Variants in FAM184A observed in about 807,000 individuals in gnomAD.
The protein encoded by FAM184A is family with sequence similarity 184 member A.
A neutral mutation model predicts 143.8 loss-of-function variants in FAM184A; 99 were observed. The observed-to-expected ratio is 0.69, with a 90% CI of 0.58 to 0.81. FAM184A has a LOEUF of 0.81. FAM184A is among the 40% of genes least tolerant of loss of function. FAM184A has a pLI of 0.00. For missense variants in FAM184A, 1,217 were observed against 1,310.5 expected, an observed-to-expected ratio of 0.93 and a Z score of 1.10; for synonymous variants, 427 against 446.4, an observed-to-expected ratio of 0.96 and a Z score of 0.55.
chr6:119,038,385 G>A (rs1786190769), intron 1 of FAM184A, among the ~76,000 whole-genome samples: 1 of 152,116 alleles, frequency 6.6e-6, no homozygotes, highest in African/African-American at 2.4e-5. Flanking sequence ...TAAGTCACAG[G>A]ATGAGATAGG....
At chr6:119,076,949 A>G (rs554288359) in intron 1 of FAM184A, among the ~76,000 whole-genome samples, 22 of 152,324 alleles carry the variant, frequency 1.4e-4, no homozygotes, top group African/African-American at 5.3e-4. Context: ...AGAAAACTTC[A>G]CAAGACGTTG....
At chr6:119,136,179 G>A (rs1347720660) in intron 1 of FAM184A, among the ~76,000 whole-genome samples, 36 of 149,206 alleles carry the variant, frequency 2.4e-4, no homozygotes, top group African/African-American at 8.9e-4. Context: ...TCGGGAGGCT[G>A]AGGCAGGAGA....
chr6:119,059,901 A>G (rs541128663), intron 1 of FAM184A, among the ~76,000 whole-genome samples: 1 of 152,328 alleles, frequency 6.6e-6, no homozygotes, highest in East Asian at 1.9e-4. Context: ...CAAAAAGACT[A>G]TTGTTTGGTA....
chr6:119,130,726 C>T (rs1371444502), intron 1 of FAM184A, among the ~76,000 whole-genome samples: 1 of 152,136 alleles, frequency 6.6e-6, no homozygotes, highest in Non-Finnish European at 1.5e-5. Context: ...AAGACCCGGT[C>T]TTCGTAACAG....
intron 1 of FAM184A, among the ~76,000 whole-genome samples, chr6:119,098,533 G>C (rs1444914056): frequency 6.6e-6 from 1 of 152,200 alleles, no homozygotes; most frequent in Non-Finnish European, 1.5e-5. Context: ...CTATACGTTG[G>C]TTTGGCTTAA....
At chr6:119,074,549 C>A (rs184424338) in intron 1 of FAM184A, among the ~76,000 whole-genome samples, 1 of 151,976 alleles carries the variant, frequency 6.6e-6, no homozygotes, top group Admixed American at 6.6e-5. Flanking sequence ...ATGAACCAGT[C>A]TCAAAGAGTA....
chr6:119,134,653 CAA>C (rs11360363), intron 1 of FAM184A, among the ~76,000 whole-genome samples: 9,975 of 122,042 alleles, frequency 0.082, 320 homozygotes, highest in Middle Eastern at 0.15. Context: ...GACCTTGTCT[CAA>C]AAAAAAAAAA....
intron 1 of FAM184A, among the ~76,000 whole-genome samples, chr6:119,083,827 T>G (rs1788140127): frequency 6.6e-6 from 1 of 152,172 alleles, no homozygotes; most frequent in Admixed American, 6.5e-5. Flanking sequence ...CTGTTCCAGT[T>G]CTGCCTGTTA....
In FAM184A at chr6:119,020,732, T is replaced by C. The variant is rs577831680; in HGVS notation, c.1151-573A>G. ...AGTGGAGCTTGTAGTTCCAGCTACT[T>C]GGGAGGTTGAGATGGGAGGATTGTT... On this transcript the variant is annotated intron_variant, in intron 3 of 17. Coordinates refer to ENST00000338891, the MANE Select transcript of FAM184A (RefSeq NM_024581.6). Among the ~76,000 whole-genome samples the C allele has an allele frequency of 9.9e-5, 15 of 152,252 alleles. No individual in the cohort carries two copies. In the South Asian group the frequency reaches 2.7e-3, roughly 27 times the overall value.
chr6:119,018,931 A>T (rs1173963433), intron 4 of FAM184A, among the ~76,000 whole-genome samples: 1 of 152,148 alleles, frequency 6.6e-6, no homozygotes, highest in Non-Finnish European at 1.5e-5. Flanking sequence ...GGAGTAAAAG[A>T]AACTTAGTAC....
At chr6:119,014,553 TTC>T (rs1785180821) in intron 5 of FAM184A, among the ~76,000 whole-genome samples, 2 of 152,238 alleles carry the variant, frequency 1.3e-5, no homozygotes, top group East Asian at 3.8e-4. Context: ...AATACATACT[TTC>T]AACTAGTTGA....
chr6:118,993,619 T>C (rs969420313), intron 9 of FAM184A, among the ~76,000 whole-genome samples: 1 of 152,256 alleles, frequency 6.6e-6, no homozygotes, highest in African/African-American at 2.4e-5. Flanking sequence ...ATGAATGATA[T>C]GAACTCTTAA....
At chr6:119,022,053 C>CTTTTTT (rs34128659) in intron 3 of FAM184A, among the ~76,000 whole-genome samples, 118 of 84,364 alleles carry the variant, frequency 1.4e-3, no homozygotes, top group Non-Finnish European at 1.6e-3. Flanking sequence ...TTCGTTCTTT[C>CTTTTTT]TTTTTTTTTT....
Position 118,959,922 on chromosome 6 carries a change from T to C in FAM184A, c.*181A>G, listed in dbSNP as rs1783264966. On this transcript the variant is annotated 3_prime_UTR_variant, in exon 18 of 18. Transcript: ENST00000338891. ...ATAACAGTTATAATTACACACATAATATAGTACCTTATAGAATGATTCCAA... is the reference window on the plus strand; with the variant it reads ...ATAACAGTTATAATTACACACATAACATAGTACCTTATAGAATGATTCCAA... 3 of 459,158 alleles carry C rather than the reference T, an allele frequency of 6.5e-6. No homozygotes were observed. The highest frequency in any genetic ancestry group is 1.9e-5 in the African/African-American group (1 of 51,342). 28.4% of individuals were successfully genotyped at this position (459,158 alleles called of 1,614,324 possible). A position where few individuals can be genotyped will look rare whatever the true frequency, so the allele number is the denominator to read the frequency against.
chr6:119,125,870 A>T (rs1207388531), intron 1 of FAM184A, among the ~76,000 whole-genome samples: 1 of 152,174 alleles, frequency 6.6e-6, no homozygotes, highest in Non-Finnish European at 1.5e-5. Context: ...AGAGTTGTAA[A>T]ATTTCCCTGA....
chr6:119,066,479 G>A (rs1481105249), intron 1 of FAM184A, among the ~76,000 whole-genome samples: 2 of 152,142 alleles, frequency 1.3e-5, no homozygotes, highest in Non-Finnish European at 2.9e-5. Context: ...ACAGGTTCTA[G>A]GTATTAGAAC....
chr6:119,017,531 A>G (rs1582510204), intron 4 of FAM184A, among the ~76,000 whole-genome samples: 1 of 152,044 alleles, frequency 6.6e-6, no homozygotes, highest in East Asian at 1.9e-4. Context: ...GCTTCCTTTT[A>G]TGTCAAAATA....
intron 1 of FAM184A, chr6:119,148,990 A>G (rs1360255746): frequency 2.0e-5 from 3 of 152,198 alleles, no homozygotes; most frequent in Non-Finnish European, 4.4e-5. Context: ...TACTCAACGC[A>G]TGCACATTTC....
chr6:119,046,217 A>G (rs1786526027), intron 1 of FAM184A, among the ~76,000 whole-genome samples: 1 of 150,518 alleles, frequency 6.6e-6, no homozygotes. Flanking sequence ...CATGATAGAA[A>G]ATGTATACCT....
Sources: allele counts gnomAD v4.1 joint callset (sites outside exome capture counted in the v4.1 genomes callset), GRCh38; gene constraint gnomAD v4.1.1; transcripts MANE v1.5; gene names NCBI Gene and HGNC (gene_info 2026-07-23, HGNC 2026-07-21).